BBX: variants seen among roughly 807,000 people sequenced by gnomAD.
BBX encodes BBX high mobility group box domain containing.
In BBX, 30 loss-of-function variants were observed where a neutral mutation model predicts 100.2. The observed-to-expected ratio is 0.30, with a 90% CI of 0.22 to 0.41. BBX has a LOEUF of 0.41. Among genes scored for constraint, BBX ranks in the 10% least tolerant of loss-of-function variants. BBX has a pLI of 1.00. For synonymous variants in BBX, 376 were observed against 388.1 expected, an observed-to-expected ratio of 0.97 and a Z score of 0.37; for missense variants, 1,023 against 1,129.8, an observed-to-expected ratio of 0.91 and a Z score of 1.35.
chr3:107,624,815 G>T (rs1338645202), intron 2 of BBX, among the ~76,000 whole-genome samples: 1 of 152,212 alleles, frequency 6.6e-6, no homozygotes, highest in Non-Finnish European at 1.5e-5. Context: ...GTTGCAGTGA[G>T]CTGAGATCGT....
chr3:107,689,464 G>A (rs2060024600), intron 3 of BBX, among the ~76,000 whole-genome samples: 2 of 152,188 alleles, frequency 1.3e-5, no homozygotes, highest in South Asian at 2.1e-4. Flanking sequence ...ATGGAGATGT[G>A]TGTGCTCTCC....
At chr3:107,693,346 T>A (rs555250558) in intron 3 of BBX, among the ~76,000 whole-genome samples, 1 of 151,844 alleles carries the variant, frequency 6.6e-6, no homozygotes, top group Non-Finnish European at 1.5e-5. Context: ...AACGTTTAAG[T>A]CTTTAGTCCA....
chr3:107,573,560 AAAAC>A lies in BBX; in HGVS notation c.-84+47184_-84+47187del, dbSNP rs375986548. On this transcript the variant is annotated intron_variant, in intron 2 of 17. Transcript: ENST00000325805. ...GGGTGGCAGAGTGAGACTCCGTCTC[AAAAC>A]AAACAAACAAACAAACAAACAGTGT... Among the ~76,000 whole-genome samples, 1,324 of 152,216 alleles carry A rather than the reference AAAAC, an allele frequency of 8.7e-3. 7 individuals are homozygous for A. Among genetic ancestry groups the A allele is most frequent in the Non-Finnish European group, 0.013 (907 of 67,998 alleles).
rs577942897 is a variant in BBX at position 107,578,304 on chromosome 3, T to C, written c.-84+51906T>C. Among the ~76,000 whole-genome samples, 3 of 152,268 alleles carry C rather than the reference T, an allele frequency of 2.0e-5. No individual in the cohort carries two copies. In the East Asian group the frequency reaches 5.8e-4, roughly 29 times the overall value. On this transcript the variant is annotated intron_variant, in intron 2 of 17. Transcript: ENST00000325805. ...ATGTAGGTGGGAAGGGTTTCCTGTT[T>C]CCAGGCAACAGCAAGGAGCTACAGA...
chr3:107,771,479 G>T (rs1302882824), intron 10 of BBX, among the ~76,000 whole-genome samples: 2 of 152,236 alleles, frequency 1.3e-5, no homozygotes, highest in Non-Finnish European at 1.5e-5. Flanking sequence ...GAATCTTTCA[G>T]ATTTTAGGAA....
chr3:107,664,329 A>G (rs1175853557), intron 3 of BBX, among the ~76,000 whole-genome samples: 1 of 152,168 alleles, frequency 6.6e-6, no homozygotes, highest in Non-Finnish European at 1.5e-5. Context: ...GCTCCCACTA[A>G]CAGAATGTAA....
At chr3:107,697,859 C>T (rs973555824) in intron 3 of BBX, among the ~76,000 whole-genome samples, 11 of 151,756 alleles carry the variant, frequency 7.2e-5, no homozygotes, top group Non-Finnish European at 1.5e-4. Context: ...ACTCCGTGGG[C>T]GTACGACCCT....
intron 2 of BBX, among the ~76,000 whole-genome samples, chr3:107,544,780 C>T (rs1314526100): frequency 2.7e-5 from 4 of 146,704 alleles, no homozygotes; most frequent in Non-Finnish European, 4.5e-5. Flanking sequence ...CCAAGGCGGG[C>T]GGATCACGAG....
At chr3:107,657,213 T>G (rs968448748) in intron 3 of BBX, 4 of 152,170 alleles carry the variant, frequency 2.6e-5, no homozygotes, top group Non-Finnish European at 5.9e-5. Flanking sequence ...TTGACAGTTG[T>G]AAAAGGGGCT....
intron 3 of BBX, among the ~76,000 whole-genome samples, chr3:107,666,780 C>T (rs930280867): frequency 3.3e-5 from 5 of 152,132 alleles, no homozygotes; most frequent in East Asian, 1.9e-4. Flanking sequence ...CCACGTTGGC[C>T]GGGATGGTCT....
intron 2 of BBX, among the ~76,000 whole-genome samples, chr3:107,538,843 G>T (rs1327854915): frequency 6.6e-6 from 1 of 151,964 alleles, no homozygotes; most frequent in African/African-American, 2.4e-5. Context: ...AGGGTGCAGT[G>T]GTGTAATCAT....
chr3:107,742,451 G>T (rs1246953443), intron 7 of BBX, among the ~76,000 whole-genome samples: 1 of 151,790 alleles, frequency 6.6e-6, no homozygotes, highest in African/African-American at 2.4e-5. Context: ...CTAATTTTGT[G>T]CTGTTTCCAC....
intron 2 of BBX, among the ~76,000 whole-genome samples, chr3:107,593,593 A>G (rs1024285949): frequency 1.1e-4 from 16 of 152,202 alleles, no homozygotes; most frequent in Non-Finnish European, 1.5e-4. Flanking sequence ...TGGGTCTTCT[A>G]TGGGATCGTA....
intron 2 of BBX, among the ~76,000 whole-genome samples, chr3:107,530,181 C>G (rs967258373): frequency 2.6e-5 from 4 of 152,102 alleles, no homozygotes; most frequent in African/African-American, 9.7e-5. Flanking sequence ...CACCTGAGGT[C>G]AGAAGTTTGA....
intron 3 of BBX, among the ~76,000 whole-genome samples, chr3:107,697,938 C>T (rs1435591132): frequency 6.6e-6 from 1 of 151,914 alleles, no homozygotes; most frequent in Non-Finnish European, 1.5e-5. Flanking sequence ...GCGCAGTATT[C>T]GGGTGGGAGT....
At chr3:107,544,492 A>G (rs1576244092) in intron 2 of BBX, among the ~76,000 whole-genome samples, 2 of 152,204 alleles carry the variant, frequency 1.3e-5, no homozygotes. Flanking sequence ...ATGTTAAAAC[A>G]TCACATCTGG....
At chr3:107,637,778 T>C (rs1404704911) in intron 2 of BBX, among the ~76,000 whole-genome samples, 1 of 152,180 alleles carries the variant, frequency 6.6e-6, no homozygotes, top group Non-Finnish European at 1.5e-5. Flanking sequence ...CACTTAAACT[T>C]TCTGGGTCCT....
chr3:107,622,795 G>A (rs2107695744), intron 2 of BBX, among the ~76,000 whole-genome samples: 1 of 152,258 alleles, frequency 6.6e-6, no homozygotes, highest in South Asian at 2.1e-4. Flanking sequence ...ACATCCTGTG[G>A]AAAACATTGA....
chr3:107,749,607 G>A (rs1031576688), intron 9 of BBX, among the ~76,000 whole-genome samples: 11 of 151,464 alleles, frequency 7.3e-5, no homozygotes, highest in East Asian at 5.8e-4. Flanking sequence ...CGTTATCACC[G>A]CTCAGCATAT....
Sources: allele counts gnomAD v4.1 joint callset (sites outside exome capture counted in the v4.1 genomes callset), GRCh38; gene constraint gnomAD v4.1.1; transcripts MANE v1.5; gene names NCBI Gene and HGNC (gene_info 2026-07-23, HGNC 2026-07-21).